The following PRRC2B variants were observed in gnomAD, a reference collection of about 807,000 sequenced individuals.
PRRC2B encodes protein PRRC2B.
PRRC2B carries 68 observed loss-of-function variants against 242.3 expected under a neutral mutation model. The observed-to-expected ratio is 0.28, with a 90% CI of 0.23 to 0.34. The LOEUF is 0.34. PRRC2B is among the 10% of genes least tolerant of loss of function. PRRC2B has a pLI of 1.00. For synonymous variants in PRRC2B, 1,228 were observed against 1,173.6 expected, an observed-to-expected ratio of 1.05 and a Z score of -0.95; for missense variants, 2,835 against 2,954.8, an observed-to-expected ratio of 0.96 and a Z score of 0.94.
Position 131,473,519 on chromosome 9 carries a change from C to T in PRRC2B, c.2119C>T (p.Pro707Ser). ...TTTGCCTTCTTCAGGACTGATGAAG[C>T]CCATGATGCCCCAGGAGTCCCTCAA... The part of the protein sequence containing the change: ...SALHPSGLMK[P>S]MMPQESLNGT... Residue 707 changes from proline to serine, a missense_variant, in exon 15 of 32, where the codon CCC (proline) becomes TCC (serine). Physicochemically the swap from Pro to Ser is moderately conservative, Grantham distance 74. Transcript: ENST00000683519. 1 of 1,599,904 alleles carries T rather than the reference C, an allele frequency of 6.3e-7. No individual in the cohort carries two copies. Among genetic ancestry groups the T allele is most frequent in the Admixed American group, 1.7e-5 (1 of 58,116 alleles).
intron 1 of PRRC2B, among the ~76,000 whole-genome samples, chr9:131,380,751 G>A (rs1427656507): frequency 5.9e-5 from 9 of 151,654 alleles, no homozygotes; most frequent in East Asian, 3.9e-4. Flanking sequence ...GGTAGCAGGC[G>A]CCTGTAATCC....
intron 28 of PRRC2B, among the ~76,000 whole-genome samples, 159 bp downstream of exon 28, chr9:131,488,255 A>C (rs533910813): frequency 7.0e-6 from 1 of 142,200 alleles, no homozygotes; most frequent in East Asian, 2.1e-4. Flanking sequence ...GCCTCTTCTG[A>C]GTAGCCCCAT....
chr9:131,384,042 T>G (rs892046807), intron 1 of PRRC2B, among the ~76,000 whole-genome samples: 2 of 149,342 alleles, frequency 1.3e-5, no homozygotes, highest in African/African-American at 4.9e-5. Flanking sequence ...CCTCAGCCCC[T>G]GAGTAGCTGG....
rs1588232790 is a variant in PRRC2B at position 131,381,646 on chromosome 9, C to T, written c.-56+7915C>T. On this transcript the variant is annotated intron_variant, in intron 1 of 1. Coordinates refer to the PRRC2B transcript ENST00000682525. Reference sequence around the variant, plus strand: ...GTGTTAGCCAGGATGGTCTTGATCTCCTGACCTCGTGATCTGCCTGCCTCG... The same window carrying T: ...GTGTTAGCCAGGATGGTCTTGATCTTCTGACCTCGTGATCTGCCTGCCTCG... Among the ~76,000 whole-genome samples the T allele has an allele frequency of 4.6e-5, 7 of 152,202 alleles. No individual in the cohort carries two copies. In the South Asian group the frequency reaches 1.5e-3, roughly 32 times the overall value.
chr9:131,457,007 TTTC>T (rs914346918), intron 10 of PRRC2B, among the ~76,000 whole-genome samples: 1 of 152,258 alleles, frequency 6.6e-6, no homozygotes, highest in East Asian at 1.9e-4. Context: ...TTTTCTCTGT[TTTC>T]TTGTCAATAA....
chr9:131,467,584 A>T lies in PRRC2B; in HGVS notation c.1742A>T (p.Gln581Leu), dbSNP rs781192867. Residue 581 changes from glutamine (Q) to leucine (L), a missense_variant, in exon 13 of 32, where the codon CAA becomes CTA. Physicochemically the swap from Gln to Leu is moderately radical, Grantham distance 113. Around this residue, in one of 7 missense-constraint regions of PRRC2B, gnomAD observed 1,536 missense variants for 1,483.1 expected, o/e 1.04. Coordinates refer to ENST00000683519, the MANE Select transcript of PRRC2B (RefSeq NM_013318.4). ...VHKGSPEFPAQETPTTFPEEA... is the reference protein window; with the variant it reads ...VHKGSPEFPALETPTTFPEEA... ...CTAGGCTCCCCAGAATTCCCTGCCC[A>T]AGAGACCCCCACCACATTCCCAGAA... 1 of 1,610,384 alleles carries T rather than the reference A, an allele frequency of 6.2e-7. No individual in the cohort carries two copies. The highest frequency in any genetic ancestry group is 8.5e-7 in the Non-Finnish European group (1 of 1,178,234).
At chr9:131,420,453 T>TTTCTTTCTTTCTTTCTTTCCTTCTTTC (rs1564278457) in intron 1 of PRRC2B, among the ~76,000 whole-genome samples, 2 of 60,988 alleles carry the variant, frequency 3.3e-5, no homozygotes, top group African/African-American at 5.3e-5. Flanking sequence ...TTCTTTTTCT[T>TTTCTTTCTTTCTTTCTTTCCTTCTTTC]TTTCTTTCTT....
intron 16 of PRRC2B, 82 bp from the exon 17 acceptor site, chr9:131,477,662 G>T: frequency 2.4e-6 from 2 of 833,030 alleles, no homozygotes; most frequent in Non-Finnish European, 1.9e-6. Context: ...CAGGGTGCCG[G>T]GCTTGTGTGC....
Position 131,491,415 on chromosome 9 carries a change from C to T in PRRC2B, c.6226-10C>T, listed in dbSNP as rs754666667. 3.2e-5 allele frequency: 50 copies of T among 1,582,484 alleles called. No homozygotes were observed. The highest frequency in any genetic ancestry group is 3.9e-5 in the Non-Finnish European group (45 of 1,165,198). ...CATTCCCCCTCCTGACTGTCATTGT[C>T]GCCCAGCAGCTGACCATGCCACTGC... On this transcript the variant is annotated splice_polypyrimidine_tract_variant and intron_variant, in intron 28 of 31. Transcript: ENST00000683519.
Position 131,475,282 on chromosome 9 carries a change from T to C in PRRC2B, c.3153T>C (p.Phe1051=), listed in dbSNP as rs1227474581. The part of the protein sequence containing the change: ...VPPMKRNNWI[F]IDEEQAFGVR... ...CCATGAAGAGAAATAACTGGATCTT[T>C]ATTGATGAGGAGCAAGCCTTTGGGG... The change falls in exon 16 of 32, where the codon TTT becomes TTC. Residue 1051 remains phenylalanine (F), a synonymous_variant. Transcript: ENST00000683519. 1 of 1,612,144 alleles carries C rather than the reference T, an allele frequency of 6.2e-7. No individual in the cohort carries two copies. Among genetic ancestry groups the C allele is most frequent in the South Asian group, 1.1e-5 (1 of 90,940 alleles).
rs1838215228 is a variant in PRRC2B at position 131,432,607 on chromosome 9, C to T, written c.116-10C>T. 1 of 1,612,930 alleles carries T rather than the reference C, an allele frequency of 6.2e-7. No homozygotes were observed. Among genetic ancestry groups the T allele is most frequent in the South Asian group, 1.1e-5 (1 of 91,002 alleles). ...TGCATGGTGTCTGTTCCATGTCCCT[C>T]TCCCTGCAGTTATTCCTAGACATGG... On this transcript the variant is annotated splice_polypyrimidine_tract_variant and intron_variant, in intron 2 of 31. Transcript: ENST00000683519.
At chr9:131,439,216 G>A (rs1013693517) in intron 5 of PRRC2B, among the ~76,000 whole-genome samples, 155 bp downstream of exon 5, 18 of 152,304 alleles carry the variant, frequency 1.2e-4, no homozygotes, top group African/African-American at 3.1e-4. Flanking sequence ...TGTGCACAGC[G>A]GGCGCTGACT....
chr9:131,481,470 T>C (rs1005197457), intron 19 of PRRC2B, among the ~76,000 whole-genome samples: 8 of 152,110 alleles, frequency 5.3e-5, no homozygotes, highest in Non-Finnish European at 1.2e-4. Flanking sequence ...CCCTGCTCAC[T>C]CTCTCCTGTA....
Position 131,475,319 on chromosome 9 carries a change from G to A in PRRC2B, c.3190G>A (p.Ala1064Thr). The A allele has an allele frequency of 3.1e-6, 5 of 1,598,210 alleles. No individual in the cohort carries two copies. The highest frequency in any genetic ancestry group is 4.3e-6 in the Non-Finnish European group (5 of 1,173,188). The stretch of plus-strand genomic sequence containing the variant: ...GCAAGCCTTTGGGGTCAGAGGACAG[G>A]CCCGGGGCCGGGGCCGTGGTTTCAG... ...EEQAFGVRGQARGRGRGFREF... is the reference protein window; with the variant it reads ...EEQAFGVRGQTRGRGRGFREF... The change falls in exon 16 of 32, where the codon GCC (alanine) becomes ACC (threonine). Residue 1064 changes from alanine to threonine, a missense_variant. By Grantham distance (58) the Ala-to-Thr change is moderately conservative. Transcript: ENST00000683519.
intron 4 of PRRC2B, among the ~76,000 whole-genome samples, chr9:131,437,056 G>A (rs955620958): frequency 6.6e-6 from 1 of 152,134 alleles, no homozygotes; most frequent in Non-Finnish European, 1.5e-5. Context: ...GAAGCGTCAC[G>A]TGAGCTCCAT....
intron 23 of PRRC2B, among the ~76,000 whole-genome samples, 173 bp from the exon 24 acceptor site, chr9:131,484,513 A>G (rs949928854): frequency 2.6e-5 from 4 of 152,176 alleles, no homozygotes; most frequent in South Asian, 2.1e-4. Flanking sequence ...CATTTGGACA[A>G]TTCATAGACA....
chr9:131,465,140 C>A, intron 12 of PRRC2B, 62 bp downstream of exon 12: 7 of 1,462,024 alleles, frequency 4.8e-6, no homozygotes, highest in Non-Finnish European at 6.5e-6. Flanking sequence ...CGTCTTGTTA[C>A]TTGCAACTGC....
chr9:131,477,032 G>A (rs1487786125), intron 16 of PRRC2B, among the ~76,000 whole-genome samples: 1 of 152,244 alleles, frequency 6.6e-6, no homozygotes, highest in Non-Finnish European at 1.5e-5. Flanking sequence ...AGCATGGCAG[G>A]AGCCCAGCAA....
intron 10 of PRRC2B, among the ~76,000 whole-genome samples, chr9:131,456,296 C>T (rs575632908): frequency 6.7e-6 from 1 of 149,778 alleles, no homozygotes; most frequent in East Asian, 2.0e-4. Context: ...ATTGTACTCT[C>T]ATCCCTCTAG....
Sources: gnomAD v4.1 joint callset for allele counts (sites outside exome capture counted in the v4.1 genomes callset) on GRCh38, gnomAD v4.1.1 for gene constraint, gnomAD v4.1.1 regional missense constraint, MANE v1.5 for transcripts, NCBI Gene and HGNC (gene_info 2026-07-23, HGNC 2026-07-21) for gene names.